Variants in ZCCHC17 observed in about 807,000 individuals in gnomAD.
The protein encoded by ZCCHC17 is zinc finger CCHC-type containing 17.
In ZCCHC17, 18 loss-of-function variants were observed where a neutral mutation model predicts 30.6. The observed-to-expected ratio is 0.59, with a 90% CI of 0.41 to 0.87. The LOEUF (loss-of-function observed/expected upper bound fraction) is 0.87, where lower values mean the gene tolerates loss of function less well. Among genes scored for constraint, ZCCHC17 ranks in the 40% least tolerant of loss-of-function variants. ZCCHC17 has a pLI of 0.00. For missense variants in ZCCHC17, 263 were observed against 284.2 expected, an observed-to-expected ratio of 0.93 and a Z score of 0.54; for synonymous variants, 88 against 92.4, an observed-to-expected ratio of 0.95 and a Z score of 0.27.
At chr1:31,297,753 C>T (rs915917962) in intron 1 of ZCCHC17, among the ~76,000 whole-genome samples, 11 of 152,188 alleles carry the variant, frequency 7.2e-5, no homozygotes, top group African/African-American at 2.7e-4. Context: ...GGAAAAGATG[C>T]CTGCGCTGGT....
At chr1:31,342,945 G>A (rs1290357470) in intron 5 of ZCCHC17, among the ~76,000 whole-genome samples, 4 of 152,168 alleles carry the variant, frequency 2.6e-5, no homozygotes, top group African/African-American at 7.2e-5. Context: ...AGGCAGAAAA[G>A]CACATAGTAC....
At chr1:31,358,930 A>G (rs553055170) in intron 7 of ZCCHC17, among the ~76,000 whole-genome samples, 1 of 152,286 alleles carries the variant, frequency 6.6e-6, no homozygotes, top group East Asian at 1.9e-4. Flanking sequence ...CTTAGAGGTT[A>G]TGGAGATGAG....
At chr1:31,343,339 C>T (rs1639115893) in intron 5 of ZCCHC17, among the ~76,000 whole-genome samples, 2 of 152,142 alleles carry the variant, frequency 1.3e-5, no homozygotes, top group African/African-American at 4.8e-5. Context: ...GGATTACAGG[C>T]GTGAGCCATC....
At position 31,338,937 on chromosome 1, in the gene ZCCHC17, CT is replaced by C. The variant is rs139788109; in HGVS notation, c.226-13del. On this transcript the variant is annotated intron_variant, in intron 4 of 7. Coordinates refer to ENST00000344147, the MANE Select transcript of ZCCHC17 (RefSeq NM_016505.4). ...ATGATGTATTTAAAGTTTTTGGTGA[CT>C]TTTTTTGGTCTCTTTCAGATGAAAA... is the stretch of plus-strand genomic sequence containing the variant. 2.2e-5 allele frequency: 34 copies of C among 1,573,952 alleles called. 1 individual carries two copies. Among genetic ancestry groups the C allele is most frequent in the Middle Eastern group, 3.4e-4 (2 of 5,912 alleles).
chr1:31,303,741 C>T (rs1646376593), intron 1 of ZCCHC17, among the ~76,000 whole-genome samples: 1 of 152,092 alleles, frequency 6.6e-6, no homozygotes, highest in Non-Finnish European at 1.5e-5. Flanking sequence ...TGACCCAATA[C>T]CCCAACAGCC....
At chr1:31,327,813 AG>A (rs1244961304) in intron 3 of ZCCHC17, among the ~76,000 whole-genome samples, 2 of 152,190 alleles carry the variant, frequency 1.3e-5, no homozygotes, top group African/African-American at 4.8e-5. Flanking sequence ...CAACTTAATA[AG>A]GGAAAAACAG....
Position 31,332,360 on chromosome 1 carries a change from C to T in ZCCHC17, c.125-4815C>T, listed in dbSNP as rs185690051. Among the ~76,000 whole-genome samples, 30 of 152,326 alleles carry T rather than the reference C, an allele frequency of 2.0e-4. No individual in the cohort carries two copies. The East Asian group carries it at 5.6e-3, about 28-fold the overall frequency. The stretch of plus-strand genomic sequence containing the variant: ...TAGACTGTGTCTTTTGTTTAATTCA[C>T]TGCATAAGCTAAGGCCTTTTGGTAA... On this transcript the variant is annotated intron_variant, in intron 3 of 7. Coordinates refer to ENST00000344147, the MANE Select transcript of ZCCHC17 (RefSeq NM_016505.4).
chr1:31,316,586 C>T (rs1569787215), intron 2 of ZCCHC17, among the ~76,000 whole-genome samples: 1 of 152,152 alleles, frequency 6.6e-6, no homozygotes, highest in African/African-American at 2.4e-5. Context: ...TATTATGTGG[C>T]CCTCTTTTAC....
chr1:31,345,548 A>ATATATATATATATTATAT (rs1557452334), intron 5 of ZCCHC17, among the ~76,000 whole-genome samples: 1 of 129,964 alleles, frequency 7.7e-6, no homozygotes, highest in African/African-American at 3.1e-5. Flanking sequence ...ACAGACATTT[A>ATATATATATATATTATAT]TATATATATA....
chr1:31,308,278 A>T (rs1047981006), intron 1 of ZCCHC17, among the ~76,000 whole-genome samples: 3 of 152,252 alleles, frequency 2.0e-5, no homozygotes, highest in Admixed American at 6.5e-5. Flanking sequence ...CAAGTTTAGT[A>T]TAAGGATATA....
Position 31,364,219 on chromosome 1 carries a change from TGA to T in ZCCHC17, c.*30_*31del. 6.3e-7 allele frequency: 1 copy of T among 1,596,690 alleles called. No homozygotes were observed. The highest frequency in any genetic ancestry group is 8.5e-7 in the Non-Finnish European group (1 of 1,173,776). On this transcript the variant is annotated 3_prime_UTR_variant, in exon 8 of 8. Transcript: ENST00000344147. ...GAGTATAAAGAGTGTAGGGGGTGGT[TGA>T]GAGTAAGAAACCAGGAGCCTTGTGC...
intron 1 of ZCCHC17, among the ~76,000 whole-genome samples, chr1:31,308,492 G>A (rs1017093430): frequency 6.6e-6 from 1 of 152,196 alleles, no homozygotes; most frequent in Non-Finnish European, 1.5e-5. Flanking sequence ...GAAGCAGTGG[G>A]GGTTGAGGAG....
At chr1:31,325,756 GC>G (rs1380770927) in intron 3 of ZCCHC17, among the ~76,000 whole-genome samples, 3 of 152,240 alleles carry the variant, frequency 2.0e-5, no homozygotes, top group African/African-American at 4.8e-5. Flanking sequence ...AGCCTGCCAG[GC>G]CAAGTGGGCA....
At chr1:31,353,461 T>C (rs1217060310) in intron 7 of ZCCHC17, among the ~76,000 whole-genome samples, 1 of 152,240 alleles carries the variant, frequency 6.6e-6, no homozygotes, top group Non-Finnish European at 1.5e-5. Context: ...ATGTTCATGA[T>C]AGTATTCATT....
intron 5 of ZCCHC17, among the ~76,000 whole-genome samples, chr1:31,340,426 T>C (rs1639005673): frequency 6.7e-6 from 1 of 150,052 alleles, no homozygotes; most frequent in Non-Finnish European, 1.5e-5. Flanking sequence ...CAAGTGATTC[T>C]CCTGCCTCAG....
chr1:31,315,780 C>T (rs1437163385), intron 2 of ZCCHC17, among the ~76,000 whole-genome samples: 1 of 152,142 alleles, frequency 6.6e-6, no homozygotes, highest in Non-Finnish European at 1.5e-5. Flanking sequence ...TGAATTTTTT[C>T]CCCTGAGCTA....
intron 7 of ZCCHC17, among the ~76,000 whole-genome samples, chr1:31,355,676 C>T (rs1482862846): frequency 6.6e-6 from 1 of 152,206 alleles, no homozygotes; most frequent in Non-Finnish European, 1.5e-5. Context: ...TTATCTGCTT[C>T]ATAGGTATCT....
At chr1:31,345,421 G>T (rs1430518508) in intron 5 of ZCCHC17, among the ~76,000 whole-genome samples, 2 of 150,750 alleles carry the variant, frequency 1.3e-5, no homozygotes, top group Admixed American at 1.3e-4. Flanking sequence ...CTCCCAAAGT[G>T]CTGGGATTAC....
intron 2 of ZCCHC17, among the ~76,000 whole-genome samples, chr1:31,312,784 AG>A: frequency 6.6e-6 from 1 of 152,228 alleles, no homozygotes; most frequent in East Asian, 1.9e-4. Context: ...TTTGAGACAG[AG>A]TTTTGCTCTT....
Sources: allele counts gnomAD v4.1 joint callset (sites outside exome capture counted in the v4.1 genomes callset), GRCh38; gene constraint gnomAD v4.1.1; transcripts MANE v1.5; gene names NCBI Gene and HGNC (gene_info 2026-07-23, HGNC 2026-07-21).